FBXW8: variants seen among roughly 807,000 people sequenced by gnomAD.
FBXW8 encodes F-box and WD repeat domain containing 8, also known as F-box/WD repeat-containing protein 8.
In FBXW8, 57 loss-of-function variants were observed where a neutral mutation model predicts 65.3. That is an observed-to-expected ratio of 0.87 (90% confidence interval 0.71 to 1.09). The LOEUF (loss-of-function observed/expected upper bound fraction) is 1.09. Ranked by LOEUF, FBXW8 falls within the 50% of genes least tolerant of loss-of-function variation. FBXW8 has a pLI of 0.00. For missense variants in FBXW8, 777 were observed against 814.8 expected (o/e 0.95, Z 0.57); for synonymous variants, 308 against 330.2 (o/e 0.93, Z 0.73).
Position 117,029,129 on chromosome 12 carries a change from A to G in FBXW8, c.*957A>G. On this transcript the variant is annotated 3_prime_UTR_variant, in exon 11 of 11. Transcript: ENST00000652555. ...GCTGGATCCAGTAGATGCGTATGGA[A>G]TTTCAAATACACATAGACGATGCAC... 6.6e-6 allele frequency: 1 copy of G among 152,194 alleles called. No individual in the cohort carries two copies. Among genetic ancestry groups the G allele is most frequent in the South Asian group, 2.1e-4 (1 of 4,830 alleles). 9.4% of individuals were successfully genotyped at this position (152,194 alleles called of 1,614,324 possible). A position where few individuals can be genotyped will look rare whatever the true frequency, so the allele number is the denominator to read the frequency against.
intron 8 of FBXW8, among the ~76,000 whole-genome samples, chr12:117,011,818 G>C (rs1011759357): frequency 2.0e-5 from 3 of 152,118 alleles, no homozygotes; most frequent in Non-Finnish European, 4.4e-5. Context: ...AACCAGAAGG[G>C]TGTTGTGGAG....
chr12:116,986,625 CAAA>C (rs570226579), intron 6 of FBXW8: 3 of 123,978 alleles, frequency 2.4e-5, no homozygotes, highest in Non-Finnish European at 5.2e-5. Flanking sequence ...GACTCCGTCT[CAAA>C]AAAAAAAAAA....
chr12:117,021,975 C>T (rs1166711610), intron 8 of FBXW8, among the ~76,000 whole-genome samples: 1 of 152,072 alleles, frequency 6.6e-6, no homozygotes, highest in Non-Finnish European at 1.5e-5. Flanking sequence ...ATGTTTCACT[C>T]GGATATGTAG....
intron 1 of FBXW8, among the ~76,000 whole-genome samples, chr12:116,925,715 T>C (rs372624291): frequency 6.6e-6 from 1 of 152,236 alleles, no homozygotes; most frequent in African/African-American, 2.4e-5. Flanking sequence ...GAAACAGTGG[T>C]TGCCCTTCAG....
chr12:116,964,160 C>T (rs535250387), intron 4 of FBXW8, among the ~76,000 whole-genome samples: 1 of 152,216 alleles, frequency 6.6e-6, no homozygotes, highest in Admixed American at 6.5e-5. Context: ...TGTCTGGCTG[C>T]TAAAGGCAAG....
At chr12:116,939,932 C>G (rs1565905459) in intron 2 of FBXW8, among the ~76,000 whole-genome samples, 1 of 152,222 alleles carries the variant, frequency 6.6e-6, no homozygotes. Context: ...ATCTGGGTGT[C>G]ATGGGTAGGC....
At chr12:117,007,210 C>T (rs1288384665) in intron 7 of FBXW8, among the ~76,000 whole-genome samples, 1 of 151,600 alleles carries the variant, frequency 6.6e-6, no homozygotes, top group African/African-American at 2.4e-5. Flanking sequence ...GACAAAATTG[C>T]AAGTTAAGAT....
At chr12:116,977,543 C>CT (rs1376157149) in intron 5 of FBXW8, 11 of 149,808 alleles carry the variant, frequency 7.3e-5, no homozygotes, top group Admixed American at 1.3e-4. Context: ...CAGTAGTGAT[C>CT]TTTTTTTTTT....
intron 3 of FBXW8, 118 bp from the exon 4 acceptor site, chr12:116,949,500 T>G: frequency 1.2e-6 from 1 of 821,706 alleles, no homozygotes; most frequent in Admixed American, 1.9e-5. Context: ...GAACTTTGAA[T>G]GCACTTGTTG....
chr12:116,983,131 T>G (rs970745456), intron 5 of FBXW8, among the ~76,000 whole-genome samples: 3 of 151,522 alleles, frequency 2.0e-5, no homozygotes, highest in African/African-American at 7.3e-5. Flanking sequence ...CAAATGGGAG[T>G]TTTTTTTCTC....
chr12:117,004,601 GACTTCAGACTGTTTTCC>G (rs919691196), intron 7 of FBXW8, among the ~76,000 whole-genome samples: 2 of 152,206 alleles, frequency 1.3e-5, no homozygotes, highest in African/African-American at 2.4e-5. Context: ...GCAGACATGT[GACTTCAGACTGTTTTCC>G]ACCCCGAACT....
At chr12:117,015,331 A>G (rs1433995446) in intron 8 of FBXW8, among the ~76,000 whole-genome samples, 2 of 152,094 alleles carry the variant, frequency 1.3e-5, no homozygotes, top group Non-Finnish European at 2.9e-5. Context: ...TGTTTTGTCC[A>G]TAGGTTTTGC....
chr12:116,949,508 T>A, intron 3 of FBXW8, 110 bp from the exon 4 acceptor site: 1 of 884,042 alleles, frequency 1.1e-6, no homozygotes, highest in African/African-American at 1.6e-5. Flanking sequence ...AATGCACTTG[T>A]TGTCCATGCT....
At chr12:116,991,594 C>T (rs1354123892) in intron 7 of FBXW8, among the ~76,000 whole-genome samples, 1 of 152,190 alleles carries the variant, frequency 6.6e-6, no homozygotes, top group Non-Finnish European at 1.5e-5. Context: ...TGGTGTGAGA[C>T]TATTAGCAGT....
chr12:116,923,150 G>T (rs1289671850), intron 1 of FBXW8, among the ~76,000 whole-genome samples: 1 of 152,140 alleles, frequency 6.6e-6, no homozygotes, highest in Non-Finnish European at 1.5e-5. Context: ...AGGTTTCATT[G>T]AGCCAGGATC....
At chr12:116,918,081 C>G (rs1253452971) in intron 1 of FBXW8, among the ~76,000 whole-genome samples, 1 of 151,992 alleles carries the variant, frequency 6.6e-6, no homozygotes, top group Non-Finnish European at 1.5e-5. Context: ...TAGCAGCCAT[C>G]TCTTTTTAGG....
intron 7 of FBXW8, among the ~76,000 whole-genome samples, chr12:117,004,857 T>G (rs1048785861): frequency 6.6e-6 from 1 of 152,232 alleles, no homozygotes; most frequent in Non-Finnish European, 1.5e-5. Context: ...GCTTGAATGC[T>G]CTCTTAACTT....
intron 3 of FBXW8, chr12:116,948,780 G>T (rs1160841931): frequency 1.3e-5 from 2 of 151,942 alleles, no homozygotes; most frequent in African/African-American, 2.4e-5. Flanking sequence ...TTAGAGATAG[G>T]TTCTCACTCT....
chr12:117,022,317 A>G (rs1373549217), intron 8 of FBXW8, among the ~76,000 whole-genome samples: 1 of 152,120 alleles, frequency 6.6e-6, no homozygotes, highest in Non-Finnish European at 1.5e-5. Flanking sequence ...AGAAATAGAA[A>G]TAATTTCTGA....
Sources: allele counts gnomAD v4.1 joint callset (sites outside exome capture counted in the v4.1 genomes callset), GRCh38; gene constraint gnomAD v4.1.1; transcripts MANE v1.5; gene names NCBI Gene and HGNC (gene_info 2026-07-23, HGNC 2026-07-21).